RAPGEF1: variants seen among roughly 807,000 people sequenced by gnomAD.
The protein encoded by RAPGEF1 is CRK SH3-binding GNRP.
A neutral mutation model predicts 143.3 loss-of-function variants in RAPGEF1; 33 were observed. The observed-to-expected ratio is 0.23, with a 90% CI of 0.17 to 0.31. The LOEUF is 0.31. RAPGEF1 is among the 10% of genes least tolerant of loss of function. RAPGEF1 has a pLI of 1.00. For missense variants in RAPGEF1, 1,199 were observed against 1,645.4 expected (o/e 0.73, Z 4.69); for synonymous variants, 629 against 676.5 (o/e 0.93, Z 1.09).
At chr9:131,615,942 A>G (rs1958932044) in intron 12 of RAPGEF1, among the ~76,000 whole-genome samples, 1 of 152,134 alleles carries the variant, frequency 6.6e-6, no homozygotes, top group South Asian at 2.1e-4. Flanking sequence ...CATACAAGGT[A>G]TCTTAAGACT....
In RAPGEF1 at chr9:131,626,267, C is replaced by G. The variant is rs943127639; in HGVS notation, c.1357G>C (p.Gly453Arg). Residue 453 changes from glycine (G) to arginine (R), a missense_variant, in exon 10 of 27, where the codon GGC (glycine) becomes CGC (arginine). By Grantham distance (125) the Gly-to-Arg change is moderately radical. Around this residue, in one of 6 missense-constraint regions of RAPGEF1, gnomAD observed 613 missense variants for 710.9 expected, o/e 0.86. Transcript: ENST00000683357. ...LGPPFQLPLGGHPQPDGPLAP... is the reference protein window; with the variant it reads ...LGPPFQLPLGRHPQPDGPLAP... ...AGAGGTCCGTCTGGCTGGGGATGGC[C>G]GCCAAGAGGCAGCTGGAAAGGAGGG... is the stretch of plus-strand genomic sequence containing the variant. 6 of 1,613,788 alleles carry G rather than the reference C, an allele frequency of 3.7e-6. No homozygotes were observed. Among genetic ancestry groups the G allele is most frequent in the Non-Finnish European group, 5.1e-6 (6 of 1,179,858 alleles).
At chr9:131,702,099 T>A (rs966468994) in intron 1 of RAPGEF1, among the ~76,000 whole-genome samples, 3 of 152,262 alleles carry the variant, frequency 2.0e-5, no homozygotes, top group African/African-American at 4.8e-5. Context: ...ATTGAATTGA[T>A]GCTCTTGTCA....
At chr9:131,645,654 C>T (rs1335188498) in intron 3 of RAPGEF1, among the ~76,000 whole-genome samples, 1 of 152,244 alleles carries the variant, frequency 6.6e-6, no homozygotes, top group Non-Finnish European at 1.5e-5. Flanking sequence ...AGTGAGAGTT[C>T]ACAGCCACAC....
intron 5 of RAPGEF1, among the ~76,000 whole-genome samples, chr9:131,631,439 G>A (rs767421230): frequency 5.3e-5 from 8 of 152,222 alleles, no homozygotes. Flanking sequence ...TCGTGTGGGC[G>A]AGGCGCCTGC....
At chr9:131,695,850 A>G (rs539008946) in intron 1 of RAPGEF1, among the ~76,000 whole-genome samples, 5 of 152,242 alleles carry the variant, frequency 3.3e-5, no homozygotes, top group South Asian at 2.1e-4. Context: ...GCAAACATTT[A>G]ATAAAAAAAT....
intron 1 of RAPGEF1, among the ~76,000 whole-genome samples, chr9:131,705,877 T>G (rs1233598905): frequency 6.6e-6 from 1 of 152,202 alleles, no homozygotes; most frequent in Non-Finnish European, 1.5e-5. Context: ...CCTCTGCGGC[T>G]TTTCAACTCC....
chr9:131,588,639 G>A (rs1197710305), intron 20 of RAPGEF1, among the ~76,000 whole-genome samples, 162 bp downstream of exon 20: 4 of 152,182 alleles, frequency 2.6e-5, no homozygotes, highest in Non-Finnish European at 4.4e-5. Flanking sequence ...TCCTGGAGAA[G>A]AGGCCCAGCC....
intron 1 of RAPGEF1, among the ~76,000 whole-genome samples, chr9:131,665,086 A>G (rs776251968): frequency 1.3e-5 from 2 of 152,208 alleles, no homozygotes; most frequent in Non-Finnish European, 2.9e-5. Flanking sequence ...AAGCTAGAAG[A>G]CCAGTGGAGG....
chr9:131,631,751 C>T (rs905448701), intron 5 of RAPGEF1, among the ~76,000 whole-genome samples: 2 of 152,182 alleles, frequency 1.3e-5, no homozygotes, highest in Non-Finnish European at 1.5e-5. Context: ...TCCTTTCCAG[C>T]GCAAGGGTTC....
At chr9:131,699,249 T>G (rs1487310685) in intron 1 of RAPGEF1, among the ~76,000 whole-genome samples, 1 of 151,340 alleles carries the variant, frequency 6.6e-6, no homozygotes, top group Non-Finnish European at 1.5e-5. Context: ...CTTTTTTTTT[T>G]TTTTTTTTTT....
chr9:131,626,542 G>C, intron 9 of RAPGEF1, 120 bp from the exon 10 acceptor site: 2 of 988,294 alleles, frequency 2.0e-6, no homozygotes, highest in Non-Finnish European at 2.9e-6. Context: ...CCTGTCTCCA[G>C]GGCTTATTTT....
chr9:131,735,046 G>A (rs894245917), intron 1 of RAPGEF1, among the ~76,000 whole-genome samples: 4 of 152,170 alleles, frequency 2.6e-5, no homozygotes, highest in African/African-American at 9.7e-5. Context: ...GAAGGAAAGG[G>A]ACTTTAAAAA....
chr9:131,731,375 C>T (rs1837062529), intron 1 of RAPGEF1, among the ~76,000 whole-genome samples: 1 of 152,148 alleles, frequency 6.6e-6, no homozygotes, highest in South Asian at 2.1e-4. Context: ...TATTCAGAAC[C>T]ATCACTTGAA....
chr9:131,621,151 G>A lies in RAPGEF1; in HGVS notation c.1905+645C>T, dbSNP rs1376462446. On this transcript the variant is annotated intron_variant, in intron 11 of 26. Coordinates refer to ENST00000683357, the MANE Select transcript of RAPGEF1 (RefSeq NM_001377935.1). The surrounding 1 kb of genome is among the most constrained non-coding windows in gnomAD (Gnocchi z 4.5). The stretch of plus-strand genomic sequence containing the variant: ...CTCCCAGTGCCTGGGCAGTTCCAGA[G>A]CCTCATGGGGTGCCCACGGTGGAAC... 3.3e-5 allele frequency among the ~76,000 whole-genome samples: 5 copies of A among 152,264 alleles called. No individual in the cohort carries two copies. The highest frequency in any genetic ancestry group is 1.5e-5 in the Non-Finnish European group (1 of 68,046).
At chr9:131,685,638 A>C (rs765967956) in intron 1 of RAPGEF1, among the ~76,000 whole-genome samples, 1 of 152,198 alleles carries the variant, frequency 6.6e-6, no homozygotes, top group African/African-American at 2.4e-5. Context: ...AAACAATGCT[A>C]ATGACTGGCT....
Position 131,582,495 on chromosome 9 carries a change from C to T in RAPGEF1, c.3512+110G>A, listed in dbSNP as rs1378684650. ...AAGTAAAACCAAGTACAAATGTCTCCGTTAGAAACCCCTAAATTAAGATTT... is the reference window on the plus strand; with the variant it reads ...AAGTAAAACCAAGTACAAATGTCTCTGTTAGAAACCCCTAAATTAAGATTT... On this transcript the variant is annotated intron_variant, in intron 25 of 26. Transcript: ENST00000683357. 1.9e-5 allele frequency: 15 copies of T among 771,424 alleles called. 1 individual carries two copies. The highest frequency in any genetic ancestry group is 1.3e-4 in the Admixed American group (4 of 30,602). 47.8% of individuals were successfully genotyped at this position (771,424 alleles called of 1,614,324 possible).
chr9:131,582,665 G>T lies in RAPGEF1; in HGVS notation c.3452C>A (p.Ser1151Tyr). ...AEYCTLIDSSSSFRAYRAALS... is the reference protein window; with the variant it reads ...AEYCTLIDSSYSFRAYRAALS... ...GGCGGCCCGGTAGGCTCGGAAGGAG[G>T]ACGAGCTGTCGATCAGTGTGCAGTA... The change falls in exon 25 of 27, where the codon TCC becomes TAC. Residue 1151 changes from serine to tyrosine, a missense_variant. This residue lies in a region of RAPGEF1 where 209 missense variants were observed against 403.0 expected (regional missense o/e 0.52). Coordinates refer to ENST00000683357, the MANE Select transcript of RAPGEF1 (RefSeq NM_001377935.1). The T allele has an allele frequency of 6.5e-7, 1 of 1,544,540 alleles. No individual in the cohort carries two copies.
intron 12 of RAPGEF1, among the ~76,000 whole-genome samples, chr9:131,608,751 CCCTTGGGCTCTG>C (rs1957523807): frequency 6.6e-6 from 1 of 152,158 alleles, no homozygotes; most frequent in Non-Finnish European, 1.5e-5. Flanking sequence ...CTTGCTGTGC[CCCTTGGGCTCTG>C]CAGATGCCAG....
At chr9:131,685,876 A>G (rs1351820565) in intron 1 of RAPGEF1, among the ~76,000 whole-genome samples, 2 of 152,276 alleles carry the variant, frequency 1.3e-5, no homozygotes, top group South Asian at 2.1e-4. Flanking sequence ...TTGGACAAAC[A>G]GAGAGGCAGG....
Sources: gnomAD v4.1 joint callset for allele counts (sites outside exome capture counted in the v4.1 genomes callset) on GRCh38, gnomAD v4.1.1 for gene constraint, gnomAD v4.1.1 regional missense constraint, Gnocchi (gnomAD v3.1) non-coding constraint, MANE v1.5 for transcripts, NCBI Gene and HGNC (gene_info 2026-07-23, HGNC 2026-07-21) for gene names.